Variants in LYZL1 observed in about 807,000 individuals in gnomAD.
The protein encoded by LYZL1 is lysozyme-like protein 1.
In LYZL1, 16 loss-of-function variants were observed where a neutral mutation model predicts 17.9. The ratio of observed to expected loss-of-function variants is 0.90; its 90% confidence interval spans 0.61 to 1.36. The LOEUF is 1.36. Among genes scored for constraint, LYZL1 ranks in the 40% most tolerant of loss-of-function variants. The pLI is 0.00. For missense variants in LYZL1, 149 were observed against 188.4 expected (o/e 0.79, Z 1.22); for synonymous variants, 58 against 71.8 (o/e 0.81, Z 0.97).
chr10:29,302,350 T>A (rs535692623), intron 3 of LYZL1, among the ~76,000 whole-genome samples: 1 of 152,202 alleles, frequency 6.6e-6, no homozygotes, highest in Admixed American at 6.5e-5. Context: ...AGGTGCAGAA[T>A]GGACAGTACA....
chr10:29,296,286 T>C (rs553113148), intron 3 of LYZL1, among the ~76,000 whole-genome samples: 20 of 152,328 alleles, frequency 1.3e-4, no homozygotes, highest in Admixed American at 4.6e-4. Context: ...ACTAACTTAG[T>C]GATTAAAGAC....
chr10:29,314,194 A>G (rs1835703912), downstream of LYZL1, among the ~76,000 whole-genome samples: 1 of 151,984 alleles, frequency 6.6e-6, no homozygotes, highest in Non-Finnish European at 1.5e-5. Flanking sequence ...TAACCCCTAA[A>G]GCTCTTGCCT....
intron 3 of LYZL1, among the ~76,000 whole-genome samples, chr10:29,303,538 G>T (rs1835549861): frequency 6.6e-6 from 1 of 152,142 alleles, no homozygotes; most frequent in Non-Finnish European, 1.5e-5. Context: ...ACATTGTTCA[G>T]TTTCATTCCA....
chr10:29,294,316 T>C lies in LYZL1; in HGVS notation c.298+1639T>C, dbSNP rs779094240. On this transcript the variant is annotated intron_variant, in intron 3 of 4. Transcript: ENST00000649382. Reference sequence around the variant, plus strand: ...CCAAGAGAGGTCAGTTAATTAAGCATTGCTTCAGCAAGATCAATCTGCAAG... The same window carrying C: ...CCAAGAGAGGTCAGTTAATTAAGCACTGCTTCAGCAAGATCAATCTGCAAG... 3.7e-4 allele frequency among the ~76,000 whole-genome samples: 57 copies of C among 152,194 alleles called. 1 individual carries two copies. Among genetic ancestry groups the C allele is most frequent in the Non-Finnish European group, 6.5e-4 (44 of 68,048 alleles).
At chr10:29,304,852 A>T (rs1328230810) in intron 3 of LYZL1, among the ~76,000 whole-genome samples, 1 of 152,192 alleles carries the variant, frequency 6.6e-6, no homozygotes, top group Non-Finnish European at 1.5e-5. Flanking sequence ...AGTCAAGTCC[A>T]ACTTTCAAAA....
chr10:29,306,498 C>G (rs1479312397), intron 3 of LYZL1, among the ~76,000 whole-genome samples: 3 of 123,504 alleles, frequency 2.4e-5, no homozygotes, highest in Non-Finnish European at 4.8e-5. Context: ...TGCAGTGAGC[C>G]GAGATCCCGC....
chr10:29,293,859 A>G (rs1049670676), intron 3 of LYZL1, among the ~76,000 whole-genome samples: 1 of 152,040 alleles, frequency 6.6e-6, no homozygotes, highest in African/African-American at 2.4e-5. Flanking sequence ...CTGTAATCCC[A>G]GCTACTCGGG....
At chr10:29,289,321 T>G (rs1184161418) in intron 1 of LYZL1, 91 bp downstream of exon 1, 34 of 1,068,242 alleles carry the variant, frequency 3.2e-5, no homozygotes, top group South Asian at 8.3e-5. Context: ...TGCTGCGGGT[T>G]TTCTTTGGAC....
At chr10:29,296,058 G>C (rs1386223383) in intron 3 of LYZL1, among the ~76,000 whole-genome samples, 1 of 152,168 alleles carries the variant, frequency 6.6e-6, no homozygotes, top group Admixed American at 6.5e-5. Flanking sequence ...GAACTGTAAG[G>C]AAATTTTGCA....
chr10:29,301,750 C>G (rs1449056389), intron 3 of LYZL1, among the ~76,000 whole-genome samples: 3 of 152,220 alleles, frequency 2.0e-5, no homozygotes, highest in Admixed American at 2.0e-4. Flanking sequence ...ATTCTTTCTT[C>G]TAATACTCTT....
chr10:29,315,434 C>A (rs1368047892), downstream of LYZL1, among the ~76,000 whole-genome samples: 2 of 152,120 alleles, frequency 1.3e-5, no homozygotes, highest in Non-Finnish European at 2.9e-5. Flanking sequence ...ATTGCTTGAA[C>A]ACTGAGGCGG....
In LYZL1 at chr10:29,311,066, A is replaced by G. The variant is rs572271764; in HGVS notation, c.*7A>G. ...AGGCTGTGAGGTTTCCTAAACTGGA[A>G]CTGGACCCAGGATGCTTTGCAGCAA... On this transcript the variant is annotated 3_prime_UTR_variant, in exon 5 of 5. Transcript: ENST00000649382. The G allele has an allele frequency of 4.2e-5, 68 of 1,614,194 alleles. No homozygotes were observed. In the East Asian group the frequency reaches 1.4e-3, roughly 34 times the overall value.
downstream of LYZL1, among the ~76,000 whole-genome samples, chr10:29,312,698 C>T (rs572488841): frequency 2.6e-4 from 40 of 152,236 alleles, no homozygotes; most frequent in South Asian, 7.3e-3. Context: ...CCTTCTGCTC[C>T]GCACAGGGAT....
At chr10:29,292,987 T>C (rs577353519) in intron 3 of LYZL1, among the ~76,000 whole-genome samples, 16 of 152,308 alleles carry the variant, frequency 1.1e-4, no homozygotes, top group Non-Finnish European at 1.6e-4. Context: ...AAAAGGAAGC[T>C]GCCTGCCAGC....
intron 3 of LYZL1, among the ~76,000 whole-genome samples, chr10:29,303,351 A>G (rs928211756): frequency 1.3e-5 from 2 of 152,096 alleles, no homozygotes; most frequent in African/African-American, 4.8e-5. Flanking sequence ...CATGGCAGTC[A>G]CAGGGTTCAC....
chr10:29,305,110 C>T (rs1835573339), intron 3 of LYZL1, among the ~76,000 whole-genome samples: 1 of 152,094 alleles, frequency 6.6e-6, no homozygotes, highest in African/African-American at 2.4e-5. Context: ...CTGTGTCCCT[C>T]CAACCTCTAG....
intron 3 of LYZL1, among the ~76,000 whole-genome samples, chr10:29,299,495 A>C (rs1332039566): frequency 6.6e-6 from 1 of 152,222 alleles, no homozygotes; most frequent in Non-Finnish European, 1.5e-5. Flanking sequence ...TATTAGACAG[A>C]TCTTACTAGA....
intron 3 of LYZL1, among the ~76,000 whole-genome samples, chr10:29,308,863 G>T (rs963082965): frequency 6.6e-6 from 1 of 152,124 alleles, no homozygotes; most frequent in Non-Finnish European, 1.5e-5. Context: ...TACTTGAGAG[G>T]CTCAGGTGGG....
At chr10:29,305,535 G>A (rs1835577904) in intron 3 of LYZL1, among the ~76,000 whole-genome samples, 1 of 152,154 alleles carries the variant, frequency 6.6e-6, no homozygotes, top group Non-Finnish European at 1.5e-5. Flanking sequence ...TTTAACATGT[G>A]CCTGACATAG....
Sources: gnomAD v4.1 joint callset for allele counts (sites outside exome capture counted in the v4.1 genomes callset) on GRCh38, gnomAD v4.1.1 for gene constraint, MANE v1.5 for transcripts, NCBI Gene and HGNC (gene_info 2026-07-23, HGNC 2026-07-21) for gene names.